The following AGL variants were observed in gnomAD, a reference collection of about 807,000 sequenced individuals.
AGL encodes the protein amylo-alpha-1,6-glucosidase and 4-alpha-glucanotransferase.
In AGL, 128 loss-of-function variants were observed where a neutral mutation model predicts 199.3. That is an observed-to-expected ratio of 0.64 (90% CI 0.56 to 0.74). The LOEUF (loss-of-function observed/expected upper bound fraction) is 0.74, where lower values mean the gene tolerates loss of function less well. Among genes scored for constraint, AGL ranks in the 30% least tolerant of loss-of-function variants. The pLI, the probability that AGL is intolerant of heterozygous loss-of-function variation, is 0.00. For missense variants in AGL, 1,809 were observed against 1,820.8 expected (o/e 0.99, Z 0.12); for synonymous variants, 584 against 594.7 (o/e 0.98, Z 0.26).
At position 99,901,764 on chromosome 1, in the gene AGL, G is replaced by A. The variant is rs568923995; in HGVS notation, c.3588+903G>A. On this transcript the variant is annotated intron_variant, in intron 26 of 33. Coordinates refer to ENST00000361915, the MANE Select transcript of AGL (RefSeq NM_000642.3). ...TTAATAGTTTGTTATATATGATTGG[G>A]GGGGCTGGGAGGGGATAGTAGCTTT... Among the ~76,000 whole-genome samples the A allele has an allele frequency of 2.0e-5, 3 of 152,044 alleles. No individual in the cohort carries two copies. In the South Asian group the frequency reaches 6.2e-4, roughly 32 times the overall value.
In AGL at chr1:99,888,098, A is replaced by G. The variant is rs34230588; in HGVS notation, c.2802A>G (p.Ala934=). 6.2e-7 allele frequency: 1 copy of G among 1,613,008 alleles called. No individual in the cohort carries two copies. Among genetic ancestry groups the G allele is most frequent in the South Asian group, 1.1e-5 (1 of 91,056 alleles). The part of the protein sequence containing the change: ...DIPNWSALKY[A]GLQGLMSVLA... ...CAAACTGGTCAGCCCTTAAATATGCAGGTCTTCAAGGTAAGCAAATGGAAG... is the reference window on the plus strand; with the variant it reads ...CAAACTGGTCAGCCCTTAAATATGCGGGTCTTCAAGGTAAGCAAATGGAAG... Residue 934 remains alanine (A), a synonymous_variant, in exon 21 of 34, where the codon GCA becomes GCG. Transcript: ENST00000361915.
chr1:99,861,390 T>G (rs1473014860), intron 2 of AGL, 113 bp from the exon 3 acceptor site: 2 of 1,553,402 alleles, frequency 1.3e-6, no homozygotes, highest in Non-Finnish European at 1.7e-6. Flanking sequence ...GCGGAGTTAT[T>G]TTAAACATAA....
intron 7 of AGL, among the ~76,000 whole-genome samples, chr1:99,871,493 T>C (rs1651012277): frequency 6.7e-6 from 1 of 150,328 alleles, no homozygotes; most frequent in Admixed American, 6.8e-5. Context: ...TTAGAAAGGA[T>C]TATTAAGAGT....
Position 99,870,550 on chromosome 1 carries a change from C to G in AGL, c.815C>G (p.Pro272Arg), listed in dbSNP as rs1650901366. The G allele has an allele frequency of 1.9e-6, 3 of 1,613,874 alleles. No individual in the cohort carries two copies. The highest frequency in any genetic ancestry group is 1.7e-6 in the Non-Finnish European group (2 of 1,179,972). The part of the protein sequence containing the change: ...AEGKYKEKGI[P>R]ALIENDHHMN... ...GGGAAATACAAAGAAAAGGGAATAC[C>G]TGCTTTGATTGAAAATGATCACCAT... Residue 272 changes from proline to arginine, a missense_variant, in exon 6 of 34, where the codon CCT (proline) becomes CGT (arginine). Coordinates refer to ENST00000361915, the MANE Select transcript of AGL (RefSeq NM_000642.3).
At chr1:99,907,854 T>A (rs1437646874) in intron 27 of AGL, among the ~76,000 whole-genome samples, 2 of 152,172 alleles carry the variant, frequency 1.3e-5, no homozygotes, top group Admixed American at 1.3e-4. Flanking sequence ...ATCCTTTGAA[T>A]TTAGGGAATG....
At position 99,857,775 on chromosome 1, in the gene AGL, T is replaced by G. The variant is rs1649650905; in HGVS notation, c.83-3728T>G. Among the ~76,000 whole-genome samples the G allele has an allele frequency of 2.5e-4, 4 of 15,794 alleles. No individual in the cohort carries two copies. The Admixed American group carries it at 3.4e-3, about 13-fold the overall frequency. The allele number at this position is 15,794 out of a possible 152,430, so 10.4% of individuals were successfully genotyped here. A position where few individuals can be genotyped will look rare whatever the true frequency, so the allele number is the denominator to read the frequency against. On this transcript the variant is annotated intron_variant, in intron 2 of 33. Transcript: ENST00000361915. The stretch of plus-strand genomic sequence containing the variant: ...GAGATGGCGGCAGTACAGTCCAGCC[T>G]TGGCTCGGCATCAGAGGGAGACCGT...
chr1:99,887,854 G>T, intron 20 of AGL, 124 bp from the exon 21 acceptor site: 17 of 1,032,622 alleles, frequency 1.6e-5, no homozygotes, highest in Admixed American at 2.0e-5. Flanking sequence ...TTATTTGAAT[G>T]CTGAGTTCCT....
rs1654896354 is a variant in AGL, at chr1:99,913,469, C to T, written c.3950-58C>T. On this transcript the variant is annotated intron_variant, in intron 29 of 33. Coordinates refer to ENST00000361915, the MANE Select transcript of AGL (RefSeq NM_000642.3). ...ACTAAATATTACTATTTGTCTGTAA[C>T]TAGATGTGTGAATTGTTTTGAATGA... The T allele has an allele frequency of 3.8e-6, 5 of 1,326,338 alleles. No individual in the cohort carries two copies. The East Asian group carries it at 1.2e-4, about 31-fold the overall frequency. 82.2% of individuals were successfully genotyped at this position (1,326,338 alleles called of 1,614,324 possible). A position where few individuals can be genotyped will look rare whatever the true frequency, so the allele number is the denominator to read the frequency against.
intron 2 of AGL, among the ~76,000 whole-genome samples, chr1:99,856,983 G>A (rs1378613186): frequency 6.6e-6 from 1 of 152,212 alleles, no homozygotes; most frequent in Non-Finnish European, 1.5e-5. Flanking sequence ...TGGTGGCTAG[G>A]CAGAGGGGCT....
intron 21 of AGL, among the ~76,000 whole-genome samples, chr1:99,889,290 A>T (rs960567981): frequency 1.3e-5 from 2 of 152,236 alleles, no homozygotes; most frequent in African/African-American, 4.8e-5. Context: ...TTTAGCTTTT[A>T]TACTTTCTGC....
At chr1:99,874,921 T>C in intron 8 of AGL, 111 bp downstream of exon 8, 1 of 1,291,024 alleles carries the variant, frequency 7.7e-7, no homozygotes, top group Non-Finnish European at 1.1e-6. Flanking sequence ...TGAAATAAAG[T>C]AATTCACTGT....
intron 7 of AGL, among the ~76,000 whole-genome samples, chr1:99,871,239 C>T (rs1432449381): frequency 6.6e-6 from 1 of 152,096 alleles, no homozygotes; most frequent in East Asian, 1.9e-4. Context: ...GTGATAGTCT[C>T]CTGTTGTCTA....
Position 99,881,444 on chromosome 1 carries a change from TC to T in AGL, c.2155del (p.Gln719ArgfsTer11). On this transcript the variant is annotated frameshift_variant and splice_region_variant, in exon 16 of 34. Transcript: ENST00000361915. LOFTEE classifies it high-confidence loss of function. The stretch of plus-strand genomic sequence containing the variant: ...AGGAGCTTGGAGCCAAGGGTTTTAT[TC>T]AGGCAAGAAATAATTAAATTTGTTT... ...HQELGAKGFI[Q>X]VYVDQVDEDI... The T allele has an allele frequency of 6.2e-7, 1 of 1,614,068 alleles. No individual in the cohort carries two copies. Among genetic ancestry groups the T allele is most frequent in the Non-Finnish European group, 8.5e-7 (1 of 1,179,966 alleles).
At position 99,862,408 on chromosome 1, in the gene AGL, G is replaced by A; in HGVS notation, c.445G>A (p.Val149Ile). 1.2e-6 allele frequency: 2 copies of A among 1,613,986 alleles called. No individual in the cohort carries two copies. Among genetic ancestry groups the A allele is most frequent in the Non-Finnish European group, 8.5e-7 (1 of 1,179,982 alleles). Reference protein sequence around the residue: ...PFDEWESRLRVAKESGYNMIH... With the variant: ...PFDEWESRLRIAKESGYNMIH... The stretch of plus-strand genomic sequence containing the variant: ...TGATGAATGGGAAAGCAGACTTAGG[G>A]TTGCAAAAGAATCAGGTAATGTCAG... The change falls in exon 4 of 34, where the codon GTT becomes ATT. Residue 149 changes from valine (V) to isoleucine (I), a missense_variant. Val to Ile is a conservative substitution (Grantham distance 29). Coordinates refer to ENST00000361915, the MANE Select transcript of AGL (RefSeq NM_000642.3).
chr1:99,868,060 T>A (rs1650681539), intron 5 of AGL, among the ~76,000 whole-genome samples: 1 of 152,194 alleles, frequency 6.6e-6, no homozygotes. Flanking sequence ...ACTAAATGAT[T>A]GTTTTTAAAA....
chr1:99,878,729 G>GTATTATAATATAT (rs1208917705), intron 12 of AGL, among the ~76,000 whole-genome samples: 23 of 151,962 alleles, frequency 1.5e-4, no homozygotes, highest in African/African-American at 5.6e-4. Context: ...TATTAAAGCA[G>GTATTATAATATAT]TATTATAATA....
intron 8 of AGL, 108 bp from the exon 9 acceptor site, chr1:99,875,046 A>G (rs953518851): frequency 2.3e-5 from 26 of 1,106,514 alleles, no homozygotes; most frequent in Non-Finnish European, 3.3e-5. Flanking sequence ...CATAATTGAA[A>G]TCCCGATGAA....
Position 99,884,705 on chromosome 1 carries a change from T to TA in AGL, c.2681+4dup, listed in dbSNP as rs754242194. On this transcript the variant is annotated splice_region_variant and intron_variant, in intron 20 of 33. Transcript: ENST00000361915. ...TATATTAAAAATTCCTTTTGCTTCG[T>TA]AAGTATGCCTTGTTTGGTAGAGATT... The TA allele has an allele frequency of 6.2e-7, 1 of 1,613,906 alleles. No homozygotes were observed. Among genetic ancestry groups the TA allele is most frequent in the Non-Finnish European group, 8.5e-7 (1 of 1,179,888 alleles).
Position 99,891,226 on chromosome 1 carries a change from T to C in AGL, c.2819T>C (p.Met940Thr), listed in dbSNP as rs2100788224. ...CATGTCTCTGAATTTTCAGGTTTAA[T>C]GTCTGTATTGGCAGAAATAAGACCA... ...ALKYAGLQGLMSVLAEIRPKN... is the reference protein window; with the variant it reads ...ALKYAGLQGLTSVLAEIRPKN... Residue 940 changes from methionine (M) to threonine (T), a missense_variant, in exon 22 of 34, where the codon ATG (methionine) becomes ACG (threonine). Met to Thr is a moderately conservative substitution (Grantham distance 81, BLOSUM62 -1). Coordinates refer to ENST00000361915, the MANE Select transcript of AGL (RefSeq NM_000642.3). 6.2e-7 allele frequency: 1 copy of C among 1,613,596 alleles called. No homozygotes were observed. The highest frequency in any genetic ancestry group is 8.5e-7 in the Non-Finnish European group (1 of 1,179,624).
Sources: allele counts gnomAD v4.1 joint callset (sites outside exome capture counted in the v4.1 genomes callset), GRCh38; gene constraint gnomAD v4.1.1; transcripts MANE v1.5; gene names NCBI Gene and HGNC (gene_info 2026-07-23, HGNC 2026-07-21).